CABLES1: variants seen among roughly 807,000 people sequenced by gnomAD.
The protein encoded by CABLES1 is Cdk5 and Abl enzyme substrate 1.
A neutral mutation model predicts 57.8 loss-of-function variants in CABLES1; 36 were observed. That is an observed-to-expected ratio of 0.62 (90% CI 0.48 to 0.82). The LOEUF is 0.82. Ranked by LOEUF, CABLES1 falls within the 40% of genes least tolerant of loss-of-function variation. CABLES1 has a pLI of 0.00. For synonymous variants in CABLES1, 374 were observed against 363.0 expected, an observed-to-expected ratio of 1.03 and a Z score of -0.35; for missense variants, 767 against 836.6, an observed-to-expected ratio of 0.92 and a Z score of 1.03.
chr18:23,147,086 G>A lies in CABLES1; in HGVS notation c.845+10479G>A, dbSNP rs150472039. On this transcript the variant is annotated intron_variant, in intron 1 of 9. Transcript: ENST00000256925. ...GCTGATTTTCACGTGATAACCTCGG[G>A]CAGGCCAATAGAACCCTGATTTGGG... Among the ~76,000 whole-genome samples, 592 of 152,292 alleles carry A rather than the reference G, an allele frequency of 3.9e-3. 4 individuals carry two copies. Among genetic ancestry groups the A allele is most frequent in the African/African-American group, 0.013 (544 of 41,574 alleles).
chr18:23,254,821 C>CAAATA (rs1293675228), intron 9 of CABLES1, among the ~76,000 whole-genome samples: 4 of 152,184 alleles, frequency 2.6e-5, no homozygotes, highest in Non-Finnish European at 5.9e-5. Context: ...TCCCAAAGGC[C>CAAATA]CCATCTCCTA....
intron 9 of CABLES1, among the ~76,000 whole-genome samples, chr18:23,255,770 A>G (rs977919282): frequency 1.3e-5 from 2 of 152,000 alleles, no homozygotes; most frequent in African/African-American, 4.8e-5. Flanking sequence ...TGTATTGCCC[A>G]GGCTAGTCTC....
In CABLES1 at chr18:23,212,611, A is replaced by C. The variant is rs553391486; in HGVS notation, c.1011-1366A>C. 2.0e-5 allele frequency among the ~76,000 whole-genome samples: 3 copies of C among 152,282 alleles called. No homozygotes were observed. In the East Asian group the frequency reaches 5.8e-4, roughly 29 times the overall value. ...TGCTCTGAGGCCCACACTGCATTTC[A>C]GTGACATCTAATACCCATGCATAGA... On this transcript the variant is annotated intron_variant, in intron 3 of 9. Coordinates refer to ENST00000256925, the MANE Select transcript of CABLES1 (RefSeq NM_001100619.3).
intron 1 of CABLES1, among the ~76,000 whole-genome samples, chr18:23,163,395 A>G (rs571036207): frequency 1.3e-5 from 2 of 152,298 alleles, no homozygotes; most frequent in South Asian, 4.1e-4. Flanking sequence ...GAAATCACCC[A>G]GGGAGCGGGG....
At chr18:23,243,796 C>G (rs1181641108) in intron 7 of CABLES1, among the ~76,000 whole-genome samples, 1 of 149,946 alleles carries the variant, frequency 6.7e-6, no homozygotes, top group African/African-American at 2.5e-5. Context: ...CGCTTGAACC[C>G]GGGAGGCAGA....
At chr18:23,137,787 G>C (rs545937777) in intron 1 of CABLES1, among the ~76,000 whole-genome samples, 11 of 152,200 alleles carry the variant, frequency 7.2e-5, no homozygotes, top group Non-Finnish European at 1.5e-4. Context: ...AAATCATGAG[G>C]GTGCTAGTTA....
intron 7 of CABLES1, among the ~76,000 whole-genome samples, chr18:23,246,265 CAAAAA>C (rs111345466): frequency 3.6e-5 from 5 of 140,740 alleles, no homozygotes; most frequent in South Asian, 2.2e-4. Flanking sequence ...GACTCCATCT[CAAAAA>C]AAAAAAAGAA....
At chr18:23,226,743 C>G (rs1959298783) in intron 4 of CABLES1, among the ~76,000 whole-genome samples, 1 of 152,164 alleles carries the variant, frequency 6.6e-6, no homozygotes, top group African/African-American at 2.4e-5. Context: ...GAACCGACAC[C>G]AGCCACCAAG....
intron 7 of CABLES1, among the ~76,000 whole-genome samples, chr18:23,251,153 T>A (rs1320150894): frequency 6.6e-6 from 1 of 152,210 alleles, no homozygotes; most frequent in African/African-American, 2.4e-5. Context: ...CTTTGACTGA[T>A]TAAGATTATG....
In CABLES1 at chr18:23,253,887, C is replaced by T; in HGVS notation, c.1712C>T (p.Ala571Val). The T allele has an allele frequency of 6.2e-7, 1 of 1,614,128 alleles. No homozygotes were observed. Among genetic ancestry groups the T allele is most frequent in the Non-Finnish European group, 8.5e-7 (1 of 1,180,036 alleles). ...LCAGACVLLAAKIGSDLKKHE... is the reference protein window; with the variant it reads ...LCAGACVLLAVKIGSDLKKHE... Reference sequence around the variant, plus strand: ...GCTGGGGCATGTGTGCTGTTAGCAGCCAAAATTGGAAGTGACCTCAAAAAA... The same window carrying T: ...GCTGGGGCATGTGTGCTGTTAGCAGTCAAAATTGGAAGTGACCTCAAAAAA... The change falls in exon 9 of 10, where the codon GCC (alanine) becomes GTC (valine). Residue 571 changes from alanine (A) to valine (V), a missense_variant. Physicochemically the swap from Ala to Val is moderately conservative, Grantham distance 64. Around this residue, in one of 4 missense-constraint regions of CABLES1, gnomAD observed 529 missense variants for 622.8 expected, o/e 0.85. Transcript: ENST00000256925.
Position 23,136,112 on chromosome 18 carries a change from G to GCCCC in CABLES1, c.351_352insCCCC (p.Gly118ProfsTer183). On this transcript the variant is annotated frameshift_variant, in exon 1 of 10. Transcript: ENST00000256925. LOFTEE classifies it high-confidence loss of function. ...AGCTTGCTCGCCGCTGCCGAGCGGG[G>GCCCC]CGGCTGCATCGCGCTCGCCGCGCCG... is the stretch of plus-strand genomic sequence containing the variant. The GCCCC allele has an allele frequency of 8.4e-7, 1 of 1,190,142 alleles. No homozygotes were observed. The allele number at this position is 1,190,142 out of a possible 1,614,324, so 73.7% of individuals were successfully genotyped here. A position where few individuals can be genotyped will look rare whatever the true frequency, so the allele number is the denominator to read the frequency against.
intron 7 of CABLES1, among the ~76,000 whole-genome samples, chr18:23,243,355 G>A (rs1422433372): frequency 3.9e-5 from 6 of 152,048 alleles, no homozygotes; most frequent in Non-Finnish European, 5.9e-5. Context: ...CACAGGCCTG[G>A]GCAGTAGCTG....
At chr18:23,227,757 C>T (rs1173976168) in intron 4 of CABLES1, among the ~76,000 whole-genome samples, 1 of 152,200 alleles carries the variant, frequency 6.6e-6, no homozygotes, top group African/African-American at 2.4e-5. Flanking sequence ...ATTTAGCTCA[C>T]AAGTGGTATT....
rs1206151144 is a variant in CABLES1, at chr18:23,161,758, A to C, written c.845+25151A>C. Among the ~76,000 whole-genome samples, 168 of 148,142 alleles carry C rather than the reference A, an allele frequency of 1.1e-3. 4 individuals carry two copies. The highest frequency in any genetic ancestry group is 1.7e-3 in the African/African-American group (69 of 40,392). ...ACCCCGTCTCTACTAAAAATCCAAA[A>C]AAAAAAAAAAAAAAAAAGCCAGGTG... On this transcript the variant is annotated intron_variant, in intron 1 of 9. Coordinates refer to ENST00000256925, the MANE Select transcript of CABLES1 (RefSeq NM_001100619.3).
intron 1 of CABLES1, among the ~76,000 whole-genome samples, chr18:23,169,352 CT>C (rs2047066496): frequency 6.6e-6 from 1 of 152,150 alleles, no homozygotes; most frequent in South Asian, 2.1e-4. Flanking sequence ...ACCCCGAATT[CT>C]TTCTTGCACG....
intron 3 of CABLES1, among the ~76,000 whole-genome samples, chr18:23,206,189 G>A (rs1346795743): frequency 2.0e-5 from 3 of 151,760 alleles, no homozygotes; most frequent in Non-Finnish European, 2.9e-5. Context: ...GACCCTCCTC[G>A]CTCCTCATCC....
intron 1 of CABLES1, among the ~76,000 whole-genome samples, chr18:23,153,988 A>C (rs2046949776): frequency 6.6e-6 from 1 of 151,868 alleles, no homozygotes; most frequent in South Asian, 2.1e-4. Flanking sequence ...CCGAAGTCAC[A>C]CCACCCACTC....
chr18:23,186,438 T>TTC (rs2047203186), intron 1 of CABLES1, among the ~76,000 whole-genome samples: 1 of 151,204 alleles, frequency 6.6e-6, no homozygotes, highest in Non-Finnish European at 1.5e-5. Flanking sequence ...TTTTTTTTTT[T>TTC]CCCCAAGACG....
chr18:23,246,539 C>A (rs1340443651), intron 7 of CABLES1, among the ~76,000 whole-genome samples: 3 of 151,728 alleles, frequency 2.0e-5, no homozygotes, highest in Non-Finnish European at 4.4e-5. Context: ...CTACAGGCAC[C>A]CGCCACCACA....
Sources: allele counts gnomAD v4.1 joint callset (sites outside exome capture counted in the v4.1 genomes callset), GRCh38; gene constraint gnomAD v4.1.1; regional missense constraint gnomAD v4.1.1; transcripts MANE v1.5; gene names NCBI Gene and HGNC (gene_info 2026-07-23, HGNC 2026-07-21).